The following BMAL1 variants were observed in gnomAD, a reference collection of about 807,000 sequenced individuals.
BMAL1 encodes the protein basic helix-loop-helix ARNT-like protein 1.
At chr11:13,373,047 T>G in the BMAL1 span, among the ~76,000 whole-genome samples, 6 of 152,182 alleles carry the variant, frequency 3.9e-5, no homozygotes, top group African/African-American at 1.4e-4. Context: ...TTGGAAGCAA[T>G]TATTTAGTCC....
the BMAL1 span, chr11:13,276,939 C>G: frequency 1.3e-5 from 2 of 152,356 alleles, no homozygotes; most frequent in East Asian, 3.9e-4. Flanking sequence ...GGTGTCTACT[C>G]TTCAGTAAGT....
At chr11:13,365,427 AT>A in the BMAL1 span, 1 of 1,371,740 alleles carries the variant, frequency 7.3e-7, no homozygotes, top group South Asian at 1.2e-5. Flanking sequence ...CACATCCTCT[AT>A]TTGTTATCAG....
chr11:13,375,459 C>G, the BMAL1 span, among the ~76,000 whole-genome samples: 1 of 152,194 alleles, frequency 6.6e-6, no homozygotes, highest in Non-Finnish European at 1.5e-5. Flanking sequence ...CAGAAACAAC[C>G]TATTTCCTGA....
the BMAL1 span, among the ~76,000 whole-genome samples, chr11:13,328,462 C>T: frequency 2.0e-5 from 3 of 152,128 alleles, no homozygotes; most frequent in Non-Finnish European, 4.4e-5. Context: ...TCCAGTGAAC[C>T]GTGGAGCAAG....
chr11:13,327,112 G>A, the BMAL1 span, among the ~76,000 whole-genome samples: 5 of 151,788 alleles, frequency 3.3e-5, no homozygotes, highest in Admixed American at 2.0e-4. Flanking sequence ...GAGCCACTGC[G>A]CCCAGCCCAT....
chr11:13,290,074 T>A, the BMAL1 span, among the ~76,000 whole-genome samples: 2 of 152,240 alleles, frequency 1.3e-5, no homozygotes, highest in African/African-American at 4.8e-5. Context: ...TGATCACCAT[T>A]CTAACTGGTG....
chr11:13,276,967 T>C, the BMAL1 span: 2 of 152,234 alleles, frequency 1.3e-5, no homozygotes, highest in Non-Finnish European at 1.5e-5. Flanking sequence ...ACCTGGCTAC[T>C]GGAAGGAAAT....
the BMAL1 span, among the ~76,000 whole-genome samples, chr11:13,344,151 A>G: frequency 6.6e-6 from 1 of 152,218 alleles, no homozygotes; most frequent in East Asian, 1.9e-4. Context: ...GCAACACCTC[A>G]TAAGACCTCT....
the BMAL1 span, among the ~76,000 whole-genome samples, chr11:13,361,666 A>G: frequency 3.3e-5 from 5 of 152,228 alleles, no homozygotes; most frequent in African/African-American, 1.2e-4. Context: ...AGAAGACCTG[A>G]TGAATAAATA....
the BMAL1 span, chr11:13,378,619 A>G: frequency 1.2e-6 from 1 of 803,266 alleles, no homozygotes; most frequent in African/African-American, 1.8e-5. Context: ...CTTGTTAAAC[A>G]TCCTACAGTA....
chr11:13,292,166 G>A, the BMAL1 span, among the ~76,000 whole-genome samples: 9 of 152,058 alleles, frequency 5.9e-5, no homozygotes, highest in African/African-American at 2.2e-4. Flanking sequence ...AGCATAAATT[G>A]TCTTTGAGAT....
the BMAL1 span, among the ~76,000 whole-genome samples, chr11:13,371,504 C>T: frequency 6.6e-6 from 1 of 152,164 alleles, no homozygotes; most frequent in African/African-American, 2.4e-5. Flanking sequence ...GCCACTGGCC[C>T]CTGAATCAGC....
At chr11:13,303,465 T>C in the BMAL1 span, among the ~76,000 whole-genome samples, 1 of 151,698 alleles carries the variant, frequency 6.6e-6, no homozygotes, top group East Asian at 1.9e-4. Context: ...TTTTGAGGAG[T>C]GGTCAAAGAA....
chr11:13,321,740 A>G, the BMAL1 span, among the ~76,000 whole-genome samples: 1 of 151,828 alleles, frequency 6.6e-6, no homozygotes, highest in East Asian at 1.9e-4. Context: ...TTTCCTCTCA[A>G]CTTTTATTTC....
chr11:13,287,060 A>T, the BMAL1 span, among the ~76,000 whole-genome samples: 20 of 152,180 alleles, frequency 1.3e-4, no homozygotes, highest in Non-Finnish European at 2.2e-4. Flanking sequence ...TGCAGTGGTG[A>T]AAAGTACCTG....
At chr11:13,363,046 C>G in the BMAL1 span, among the ~76,000 whole-genome samples, 1 of 144,712 alleles carries the variant, frequency 6.9e-6, no homozygotes, top group African/African-American at 2.5e-5. Flanking sequence ...TGGCATTGTT[C>G]TAGGAACATC....
the BMAL1 span, among the ~76,000 whole-genome samples, chr11:13,324,418 A>G: frequency 2.2e-3 from 327 of 151,920 alleles, 3 homozygotes; most frequent in South Asian, 0.018. Context: ...TGGGCTTTGC[A>G]CTTGCTGTCC....
the BMAL1 span, among the ~76,000 whole-genome samples, chr11:13,307,736 T>G: frequency 6.6e-6 from 1 of 152,232 alleles, no homozygotes; most frequent in Non-Finnish European, 1.5e-5. Context: ...AGAGCTTCCT[T>G]TTTTGAGAAA....
At chr11:13,341,138 C>T in the BMAL1 span, among the ~76,000 whole-genome samples, 1 of 152,208 alleles carries the variant, frequency 6.6e-6, no homozygotes, top group Non-Finnish European at 1.5e-5. Flanking sequence ...GAACCCTCAG[C>T]CTCTTCTTCT....
Sources: gnomAD v4.1 joint callset for allele counts (sites outside exome capture counted in the v4.1 genomes callset) on GRCh38, gnomAD v4.1.1 for gene constraint, MANE v1.5 for transcripts, NCBI Gene and HGNC (gene_info 2026-07-23, HGNC 2026-07-21) for gene names.